The following RBPMS variants were observed in gnomAD, a reference collection of about 807,000 sequenced individuals.
The protein encoded by RBPMS is RNA-binding protein with multiple splicing.
A neutral mutation model predicts 26.8 loss-of-function variants in RBPMS; 7 were observed. The observed-to-expected ratio is 0.26, with a 90% confidence interval of 0.15 to 0.49. The LOEUF is 0.49. Ranked by LOEUF, RBPMS falls within the 20% of genes least tolerant of loss-of-function variation. The pLI is 0.98. For missense variants in RBPMS, 186 were observed against 250.0 expected, an observed-to-expected ratio of 0.74 and a Z score of 1.73; for synonymous variants, 96 against 93.3, an observed-to-expected ratio of 1.03 and a Z score of -0.17.
intron 1 of RBPMS, among the ~76,000 whole-genome samples, chr8:30,468,287 T>C (rs1429297020): frequency 6.6e-6 from 1 of 152,210 alleles, no homozygotes; most frequent in Non-Finnish European, 1.5e-5. Flanking sequence ...TAACCATATA[T>C]TGATCACTAT....
intron 4 of RBPMS, among the ~76,000 whole-genome samples, chr8:30,484,084 C>A (rs1818545998): frequency 6.6e-6 from 1 of 152,064 alleles, no homozygotes; most frequent in Admixed American, 6.5e-5. Context: ...TCTGTTAATT[C>A]CTTTGGGTAT....
At chr8:30,430,181 C>T (rs1425365438) in intron 1 of RBPMS, among the ~76,000 whole-genome samples, 2 of 152,134 alleles carry the variant, frequency 1.3e-5, no homozygotes, top group African/African-American at 4.8e-5. Flanking sequence ...GATCATGCCA[C>T]TGCACTCCAG....
At chr8:30,549,409 T>C in intron 6 of RBPMS, 1 of 1,074,600 alleles carries the variant, frequency 9.3e-7, no homozygotes, top group South Asian at 1.3e-5. Flanking sequence ...AGCTTGCCTT[T>C]GGGGCTGTTC....
At chr8:30,446,320 G>A (rs548930535) in intron 1 of RBPMS, among the ~76,000 whole-genome samples, 3 of 152,238 alleles carry the variant, frequency 2.0e-5, no homozygotes, top group African/African-American at 7.2e-5. Flanking sequence ...TGCCTTTAAT[G>A]TAAGAATGAA....
chr8:30,561,017 G>A (rs1827430102), intron 7 of RBPMS, among the ~76,000 whole-genome samples: 1 of 152,148 alleles, frequency 6.6e-6, no homozygotes, highest in African/African-American at 2.4e-5. Flanking sequence ...TGTCGTGTGT[G>A]TGCGCGCCTA....
chr8:30,452,327 C>T (rs994995419), intron 1 of RBPMS, among the ~76,000 whole-genome samples: 1 of 152,070 alleles, frequency 6.6e-6, no homozygotes, highest in Non-Finnish European at 1.5e-5. Flanking sequence ...GATGATTGTA[C>T]CCAGTGTTAC....
chr8:30,556,126 T>C (rs559542561), intron 6 of RBPMS: 1 of 985,354 alleles, frequency 1.0e-6, no homozygotes, highest in South Asian at 4.7e-5. Flanking sequence ...GGCAAGCACA[T>C]AGTGTCCTAG....
chr8:30,440,458 T>C lies in RBPMS; in HGVS notation c.67-34321T>C, dbSNP rs187361627. 2.8e-3 allele frequency among the ~76,000 whole-genome samples: 431 copies of C among 152,330 alleles called. 1 individual carries two copies. Among genetic ancestry groups the C allele is most frequent in the Middle Eastern group, 6.8e-3 (2 of 294 alleles). On this transcript the variant is annotated intron_variant, in intron 1 of 8. Transcript: ENST00000397323. ...GTAGAATCATTCAGTATTTGTCTGT[T>C]ACTGGCTTTAAGTCAGCCTAATGTA...
chr8:30,566,202 A>G, intron 7 of RBPMS, 55 bp from the exon 8 acceptor site: 1 of 958,876 alleles, frequency 1.0e-6, no homozygotes, highest in Non-Finnish European at 1.2e-6. Context: ...AGACCGAGGC[A>G]GCCCCAGGTG....
intron 4 of RBPMS, among the ~76,000 whole-genome samples, chr8:30,493,358 A>G (rs112597644): frequency 3.1e-4 from 47 of 152,302 alleles, no homozygotes; most frequent in African/African-American, 1.1e-3. Context: ...ATGTATGCCA[A>G]TGGGTTTATT....
intron 1 of RBPMS, among the ~76,000 whole-genome samples, chr8:30,413,242 C>A (rs138353036): frequency 5.9e-5 from 9 of 152,184 alleles, no homozygotes; most frequent in African/African-American, 2.2e-4. Flanking sequence ...CTATGCCCAG[C>A]TAATTTTTGT....
At chr8:30,541,399 A>G (rs958572216) in intron 5 of RBPMS, among the ~76,000 whole-genome samples, 2 of 152,162 alleles carry the variant, frequency 1.3e-5, no homozygotes, top group African/African-American at 2.4e-5. Flanking sequence ...TTCTCATGCT[A>G]AGAAAAAAAG....
At chr8:30,490,893 C>A (rs1405187850) in intron 4 of RBPMS, among the ~76,000 whole-genome samples, 1 of 152,096 alleles carries the variant, frequency 6.6e-6, no homozygotes, top group Non-Finnish European at 1.5e-5. Flanking sequence ...TGTTTTGGCT[C>A]CCTGTGCAGC....
At chr8:30,498,795 T>C (rs1245156549) in intron 4 of RBPMS, among the ~76,000 whole-genome samples, 1 of 152,140 alleles carries the variant, frequency 6.6e-6, no homozygotes, top group Non-Finnish European at 1.5e-5. Flanking sequence ...AGGAGAGGGA[T>C]AGAATTAACC....
chr8:30,482,179 T>C (rs1191524868), intron 4 of RBPMS, among the ~76,000 whole-genome samples: 1 of 152,218 alleles, frequency 6.6e-6, no homozygotes, highest in African/African-American at 2.4e-5. Flanking sequence ...TAGGCTCTTT[T>C]TAGGGTCATC....
chr8:30,547,598 G>T, intron 6 of RBPMS: 1 of 892,048 alleles, frequency 1.1e-6, no homozygotes, highest in Non-Finnish European at 1.6e-6. Context: ...TGAGGTTTTG[G>T]GAGAATTGGG....
chr8:30,393,622 A>G (rs1236209309), intron 1 of RBPMS, among the ~76,000 whole-genome samples: 1 of 151,938 alleles, frequency 6.6e-6, no homozygotes, highest in East Asian at 1.9e-4. Flanking sequence ...GGTTCAAGCA[A>G]TTCTGCTGCC....
intron 4 of RBPMS, among the ~76,000 whole-genome samples, chr8:30,498,928 G>A (rs1324328182): frequency 2.0e-5 from 3 of 152,050 alleles, no homozygotes; most frequent in African/African-American, 7.2e-5. Flanking sequence ...ATATCTATAT[G>A]ATGCAGAGAA....
chr8:30,461,168 A>G (rs1486131393), intron 1 of RBPMS, among the ~76,000 whole-genome samples: 1 of 152,122 alleles, frequency 6.6e-6, no homozygotes, highest in African/African-American at 2.4e-5. Context: ...ACTGATACCA[A>G]TCTCTTCATT....
Sources: allele counts gnomAD v4.1 joint callset (sites outside exome capture counted in the v4.1 genomes callset), GRCh38; gene constraint gnomAD v4.1.1; transcripts MANE v1.5; gene names NCBI Gene and HGNC (gene_info 2026-07-23, HGNC 2026-07-21).